SLC67A2: variants seen among roughly 807,000 people sequenced by gnomAD.
SLC67A2 encodes solute carrier family 67 member 2, also known as solute carrier family 67 member A2.
chr2:102,735,448 T>A, the SLC67A2 span, among the ~76,000 whole-genome samples: 1 of 152,318 alleles, frequency 6.6e-6, no homozygotes, highest in African/African-American at 2.4e-5. Context: ...TTGATCTGCA[T>A]CTGGGCAGAA....
At chr2:102,720,582 G>T in the SLC67A2 span, among the ~76,000 whole-genome samples, 1 of 151,954 alleles carries the variant, frequency 6.6e-6, no homozygotes, top group Non-Finnish European at 1.5e-5. Flanking sequence ...TCAGGCTCTG[G>T]GGTAAGCTGC....
chr2:102,722,951 A>AAAAAAC, the SLC67A2 span, among the ~76,000 whole-genome samples: 3 of 152,212 alleles, frequency 2.0e-5, no homozygotes, highest in East Asian at 3.8e-4. Context: ...TCAACAGCAA[A>AAAAAAC]AAAAACAAAA....
the SLC67A2 span, among the ~76,000 whole-genome samples, chr2:102,725,529 T>C: frequency 6.6e-6 from 1 of 152,298 alleles, no homozygotes; most frequent in East Asian, 1.9e-4. Context: ...GTGGAGTGTG[T>C]TATACTATAG....
At chr2:102,723,454 A>T in the SLC67A2 span, among the ~76,000 whole-genome samples, 1 of 151,966 alleles carries the variant, frequency 6.6e-6, no homozygotes, top group African/African-American at 2.4e-5. Flanking sequence ...GGCCAACAAG[A>T]GCAAAACTTG....
At chr2:102,736,396 A>T in the SLC67A2 span, 1 of 976,798 alleles carries the variant, frequency 1.0e-6, no homozygotes, top group Non-Finnish European at 1.4e-6. Flanking sequence ...GCTTCTCAAA[A>T]GGCAGGGAAG....
the SLC67A2 span, among the ~76,000 whole-genome samples, chr2:102,730,134 C>T: frequency 0.011 from 1,619 of 152,292 alleles, 35 homozygotes; most frequent in African/African-American, 0.037. Flanking sequence ...AAGGGGACAT[C>T]AGGTAAGGTC....
At chr2:102,727,326 A>T in the SLC67A2 span, among the ~76,000 whole-genome samples, 1 of 152,232 alleles carries the variant, frequency 6.6e-6, no homozygotes, top group Non-Finnish European at 1.5e-5. Context: ...GATACCATGT[A>T]CATTTTTAAA....
the SLC67A2 span, chr2:102,718,920 C>A: frequency 6.2e-7 from 1 of 1,614,248 alleles, no homozygotes. Context: ...TCCTCCAGGG[C>A]CAGGACAAAG....
At chr2:102,723,609 G>A in the SLC67A2 span, 7 of 1,298,806 alleles carry the variant, frequency 5.4e-6, no homozygotes, top group Non-Finnish European at 7.6e-6. Context: ...TGTCTATTCT[G>A]ATAAAAACGA....
the SLC67A2 span, chr2:102,718,866 A>C: frequency 6.2e-7 from 1 of 1,614,056 alleles, no homozygotes; most frequent in Non-Finnish European, 8.5e-7. Context: ...ATGCTGCTGT[A>C]ACTGATGAGG....
chr2:102,736,559 G>GAGCTCCCCGGA, the SLC67A2 span: 1 of 1,611,020 alleles, frequency 6.2e-7, no homozygotes. Flanking sequence ...CACTCCCTGG[G>GAGCTCCCCGGA]AGCTCCCCGG....
At chr2:102,735,543 G>T in the SLC67A2 span, among the ~76,000 whole-genome samples, 1,624 of 152,208 alleles carry the variant, frequency 0.011, 36 homozygotes, top group African/African-American at 0.037. Flanking sequence ...GACACTTATC[G>T]CAGCTTCCTT....
At chr2:102,723,581 G>T in the SLC67A2 span, 1 of 1,022,790 alleles carries the variant, frequency 9.8e-7, no homozygotes, top group Non-Finnish European at 1.4e-6. Context: ...AATGACTTTT[G>T]TTTTTGGACG....
the SLC67A2 span, among the ~76,000 whole-genome samples, chr2:102,732,747 AAT>A: frequency 0.019 from 2,898 of 151,052 alleles, 70 homozygotes; most frequent in Non-Finnish European, 0.02. Context: ...CTTGCTTAAA[AAT>A]ATGTTTCCTT....
chr2:102,721,572 A>C, the SLC67A2 span, among the ~76,000 whole-genome samples: 1 of 152,190 alleles, frequency 6.6e-6, no homozygotes, highest in Admixed American at 6.5e-5. Flanking sequence ...TCATTTATCC[A>C]AGGGCCAGCC....
the SLC67A2 span, among the ~76,000 whole-genome samples, chr2:102,715,077 C>T: frequency 6.6e-6 from 1 of 152,304 alleles, no homozygotes; most frequent in African/African-American, 2.4e-5. Context: ...CAACCTCTGC[C>T]TGCTGTCCCT....
the SLC67A2 span, among the ~76,000 whole-genome samples, chr2:102,715,114 G>A: frequency 2.6e-5 from 4 of 152,174 alleles, no homozygotes; most frequent in Admixed American, 6.5e-5. Flanking sequence ...CTCCCTCAGG[G>A]CCCCCCTAAA....
At chr2:102,726,755 G>A in the SLC67A2 span, 4 of 1,502,866 alleles carry the variant, frequency 2.7e-6, no homozygotes, top group East Asian at 9.2e-5. Context: ...CAAGACCACA[G>A]AGGTGGCCCA....
the SLC67A2 span, among the ~76,000 whole-genome samples, chr2:102,726,206 C>T: frequency 6.6e-6 from 1 of 152,192 alleles, no homozygotes; most frequent in Admixed American, 6.5e-5. Context: ...AAGGAGGCCA[C>T]AGGAAAGCTA....
Sources: gnomAD v4.1 joint callset for allele counts (sites outside exome capture counted in the v4.1 genomes callset) on GRCh38, gnomAD v4.1.1 for gene constraint, MANE v1.5 for transcripts, NCBI Gene and HGNC (gene_info 2026-07-23, HGNC 2026-07-21) for gene names.